The following LRP1B variants were observed in gnomAD, a reference collection of about 807,000 sequenced individuals.
The protein encoded by LRP1B is low-density lipoprotein receptor-related protein 1B.
Under a neutral mutation model 556.6 loss-of-function variants are expected in LRP1B, and 217 were observed. The observed-to-expected ratio is 0.39, with a 90% CI of 0.35 to 0.44. LRP1B has a LOEUF of 0.44. Among genes scored for constraint, LRP1B ranks in the 20% least tolerant of loss-of-function variants. The probability of loss-of-function intolerance (pLI) is 1.00; values close to 1 mark genes in which losing one functional copy is unlikely to be tolerated. For missense variants in LRP1B, 5,053 were observed against 5,620.8 expected, an observed-to-expected ratio of 0.90 and a Z score of 3.23; for synonymous variants, 2,047 against 1,865.8, an observed-to-expected ratio of 1.10 and a Z score of -2.50.
intron 29 of LRP1B, among the ~76,000 whole-genome samples, chr2:140,845,861 C>T (rs891358048): frequency 2.0e-5 from 3 of 151,904 alleles, no homozygotes; most frequent in African/African-American, 7.3e-5. Flanking sequence ...AGAAATTAAG[C>T]GAGTTGGAAG....
chr2:141,289,030 T>C (rs181424128), intron 3 of LRP1B, among the ~76,000 whole-genome samples: 54 of 152,272 alleles, frequency 3.5e-4, no homozygotes, highest in Middle Eastern at 3.4e-3. Flanking sequence ...GAATGGTTTT[T>C]ACAATAACAC....
At chr2:140,432,559 A>G (rs1256735409) in intron 66 of LRP1B, among the ~76,000 whole-genome samples, 1 of 152,156 alleles carries the variant, frequency 6.6e-6, no homozygotes, top group African/African-American at 2.4e-5. Context: ...TGTTTTGGAG[A>G]TTACAAACAC....
intron 1 of LRP1B, among the ~76,000 whole-genome samples, chr2:141,837,934 T>C (rs1697341171): frequency 6.6e-6 from 1 of 152,088 alleles, no homozygotes; most frequent in Non-Finnish European, 1.5e-5. Flanking sequence ...GGTGAAAAAA[T>C]GTATGTCATG....
rs58218723 is a variant in LRP1B at position 141,323,890 on chromosome 2, CCA to C, written c.344-69251_344-69250del. On this transcript the variant is annotated intron_variant, in intron 3 of 90. Transcript: ENST00000389484. ...ATACACACATACCTGAACAAGGAAA[CCA>C]CACACACACACACACCTGAACGAGG... Among the ~76,000 whole-genome samples the C allele has an allele frequency of 1.3e-3, 186 of 140,534 alleles. 1 individual carries two copies. The highest frequency in any genetic ancestry group is 4.2e-3 in the African/African-American group (159 of 37,666). The allele number at this position is 140,534 out of a possible 152,430, so 92.2% of individuals were successfully genotyped here.
chr2:140,681,105 C>A (rs1019664638), intron 41 of LRP1B, among the ~76,000 whole-genome samples: 6 of 152,122 alleles, frequency 3.9e-5, no homozygotes, highest in African/African-American at 1.4e-4. Flanking sequence ...ATGATGGGTA[C>A]CAAAGGAAAA....
intron 2 of LRP1B, among the ~76,000 whole-genome samples, chr2:141,665,850 TG>T (rs1690409770): frequency 6.6e-6 from 1 of 152,128 alleles, no homozygotes; most frequent in South Asian, 2.1e-4. Flanking sequence ...CTTGATTTTC[TG>T]CCATTTCTAC....
chr2:141,107,623 C>G (rs1007360923), intron 7 of LRP1B, among the ~76,000 whole-genome samples: 1 of 151,398 alleles, frequency 6.6e-6, no homozygotes, highest in Non-Finnish European at 1.5e-5. Context: ...TCCAGCCTGG[C>G]AACAGAGCAA....
intron 35 of LRP1B, among the ~76,000 whole-genome samples, chr2:140,748,121 ATATATATATATAT>A (rs1559093605): frequency 8.0e-6 from 1 of 125,778 alleles, no homozygotes; most frequent in Non-Finnish European, 1.6e-5. Flanking sequence ...ATATATATAT[ATATATATATATAT>A]ATAATTCATA....
intron 2 of LRP1B, among the ~76,000 whole-genome samples, 173 bp downstream of exon 2, chr2:141,810,103 GAAA>G (rs1696292845): frequency 2.4e-5 from 3 of 126,542 alleles, no homozygotes; most frequent in African/African-American, 8.3e-5. Flanking sequence ...AAAAAAGAAA[GAAA>G]GAAAGAAAAA....
intron 41 of LRP1B, among the ~76,000 whole-genome samples, chr2:140,627,976 A>T (rs1179071030): frequency 6.6e-6 from 1 of 152,222 alleles, no homozygotes; most frequent in Non-Finnish European, 1.5e-5. Flanking sequence ...CCTCTCAGTA[A>T]TGAGACTACT....
intron 2 of LRP1B, among the ~76,000 whole-genome samples, chr2:141,655,274 C>G (rs1485146709): frequency 2.0e-5 from 3 of 152,112 alleles, no homozygotes; most frequent in African/African-American, 7.2e-5. Context: ...ACCTGACTTT[C>G]ACAAGGCTTA....
At chr2:141,660,478 C>T (rs1044122914) in intron 2 of LRP1B, among the ~76,000 whole-genome samples, 4 of 151,864 alleles carry the variant, frequency 2.6e-5, no homozygotes, top group African/African-American at 9.7e-5. Flanking sequence ...TCTGGCAGTT[C>T]CCCCCCGCTG....
At chr2:140,262,889 G>T (rs970729773) in intron 86 of LRP1B, among the ~76,000 whole-genome samples, 1 of 152,048 alleles carries the variant, frequency 6.6e-6, no homozygotes, top group African/African-American at 2.4e-5. Flanking sequence ...TAAACAAAAA[G>T]GGGCTATGGA....
intron 3 of LRP1B, among the ~76,000 whole-genome samples, chr2:141,277,179 G>C (rs182621668): frequency 3.4e-3 from 502 of 149,178 alleles, no homozygotes; most frequent in Middle Eastern, 6.8e-3. Context: ...TGGGTCAAAC[G>C]ATAGTTCTGT....
intron 77 of LRP1B, among the ~76,000 whole-genome samples, chr2:140,339,991 G>A (rs962603420): frequency 4.0e-5 from 6 of 151,538 alleles, no homozygotes; most frequent in South Asian, 4.1e-4. Context: ...AGACGAAAAA[G>A]AAACTTCAGA....
intron 7 of LRP1B, among the ~76,000 whole-genome samples, chr2:141,167,052 CTTAT>C (rs997116988): frequency 2.6e-5 from 4 of 151,784 alleles, no homozygotes; most frequent in African/African-American, 9.7e-5. Context: ...CTGGTTGTTA[CTTAT>C]TTTTTATTTT....
At chr2:140,323,600 TAATAATAATAA>T (rs1680283198) in intron 81 of LRP1B, among the ~76,000 whole-genome samples, 1 of 151,782 alleles carries the variant, frequency 6.6e-6, no homozygotes, top group African/African-American at 2.4e-5. Flanking sequence ...ACTTAAAGTA[TAATAATAATAA>T]AATAAAAGAA....
intron 37 of LRP1B, among the ~76,000 whole-genome samples, chr2:140,708,506 G>GTATA (rs35928135): frequency 6.7e-6 from 1 of 149,826 alleles, no homozygotes; most frequent in African/African-American, 2.4e-5. Flanking sequence ...TTATATATAT[G>GTATA]TATATATATA....
At chr2:140,441,482 T>C (rs1239180848) in intron 66 of LRP1B, among the ~76,000 whole-genome samples, 1 of 152,184 alleles carries the variant, frequency 6.6e-6, no homozygotes, top group East Asian at 1.9e-4. Flanking sequence ...TGGCATATTC[T>C]AAAGACCCAA....
Sources: gnomAD v4.1 joint callset for allele counts (sites outside exome capture counted in the v4.1 genomes callset) on GRCh38, gnomAD v4.1.1 for gene constraint, MANE v1.5 for transcripts, NCBI Gene and HGNC (gene_info 2026-07-23, HGNC 2026-07-21) for gene names.